The following ADAMTSL1 variants were observed in gnomAD, a reference collection of about 807,000 sequenced individuals.
ADAMTSL1 encodes the protein ADAMTS like 1, also known as ADAMTS-like protein 1.
A neutral mutation model predicts 201.8 loss-of-function variants in ADAMTSL1; 126 were observed. That is an observed-to-expected ratio of 0.62 (90% CI 0.54 to 0.72). The LOEUF is 0.72. Among genes scored for constraint, ADAMTSL1 ranks in the 30% least tolerant of loss-of-function variants. The pLI is 0.00. For synonymous variants in ADAMTSL1, 1,121 were observed against 903.4 expected (o/e 1.24, Z -4.32); for missense variants, 2,679 against 2,277.8 (o/e 1.18, Z -3.59).
At chr9:18,433,753 A>G (rs915156476) in intron 2 of ADAMTSL1, among the ~76,000 whole-genome samples, 16 of 152,222 alleles carry the variant, frequency 1.1e-4, no homozygotes, top group African/African-American at 3.9e-4. Context: ...TACACACTTA[A>G]GAGTAGACTA....
At position 18,802,760 on chromosome 9, in the gene ADAMTSL1, T is replaced by C. The variant is rs1364946717; in HGVS notation, c.3805+7236T>C. Among the ~76,000 whole-genome samples, 7 of 152,334 alleles carry C rather than the reference T, an allele frequency of 4.6e-5. No individual in the cohort carries two copies. The South Asian group carries it at 1.2e-3, about 27-fold the overall frequency. On this transcript the variant is annotated intron_variant, in intron 20 of 28. Coordinates refer to ENST00000380548, the MANE Select transcript of ADAMTSL1 (RefSeq NM_001040272.6). ...ATTTCTGGGTTGTTTGGCGCATTTA[T>C]GTTTACTATTGAAGAAAGTGCCAAC...
chr9:18,853,730 C>T (rs573076059), intron 23 of ADAMTSL1, among the ~76,000 whole-genome samples: 3 of 152,290 alleles, frequency 2.0e-5, no homozygotes, highest in South Asian at 4.2e-4. Context: ...AGGCAAGATA[C>T]GGGTTGGTTA....
At position 17,917,958 on chromosome 9, in the gene ADAMTSL1, G is replaced by C. The variant is rs141313113; in HGVS notation, c.87+11036G>C. 5.8e-3 allele frequency among the ~76,000 whole-genome samples: 884 copies of C among 151,988 alleles called. 8 individuals carry two copies. Among genetic ancestry groups the C allele is most frequent in the African/African-American group, 0.02 (843 of 41,534 alleles). On this transcript the variant is annotated intron_variant, in intron 1 of 29. Transcript: ENST00000680146. ...TTGTTGAATTCATTGGTGTAAAGTA[G>C]TTCATAGTGCTCCTTTATTATGTTA...
At chr9:18,387,934 A>G (rs1245218319) in intron 2 of ADAMTSL1, among the ~76,000 whole-genome samples, 1 of 152,166 alleles carries the variant, frequency 6.6e-6, no homozygotes, top group East Asian at 1.9e-4. Flanking sequence ...TGCCTTCTGT[A>G]TTTTGAGGCT....
intron 2 of ADAMTSL1, among the ~76,000 whole-genome samples, chr9:18,526,332 C>T (rs1427982307): frequency 3.9e-5 from 6 of 152,226 alleles, no homozygotes; most frequent in African/African-American, 1.4e-4. Context: ...CTATGTGTGT[C>T]TCTGCACATG....
At chr9:17,920,990 G>A (rs1826277468) in intron 1 of ADAMTSL1, among the ~76,000 whole-genome samples, 1 of 152,168 alleles carries the variant, frequency 6.6e-6, no homozygotes, top group Admixed American at 6.5e-5. Flanking sequence ...TAGGTTCTTT[G>A]TGGGCTTTCA....
At chr9:18,123,940 A>G (rs981877271) in intron 1 of ADAMTSL1, among the ~76,000 whole-genome samples, 30 of 152,288 alleles carry the variant, frequency 2.0e-4, no homozygotes, top group African/African-American at 6.3e-4. Context: ...CAATTTGTCC[A>G]CATTCTTGCC....
chr9:18,673,302 G>A (rs978608602), intron 9 of ADAMTSL1, among the ~76,000 whole-genome samples: 6 of 152,120 alleles, frequency 3.9e-5, no homozygotes, highest in African/African-American at 1.2e-4. Context: ...CAGCAACAGT[G>A]TAGTGAAAGG....
At chr9:18,709,351 A>G (rs1214369688) in intron 14 of ADAMTSL1, among the ~76,000 whole-genome samples, 1 of 152,196 alleles carries the variant, frequency 6.6e-6, no homozygotes, top group Non-Finnish European at 1.5e-5. Flanking sequence ...GGTTATATAT[A>G]TTTTTAATTA....
intron 15 of ADAMTSL1, among the ~76,000 whole-genome samples, chr9:18,734,774 C>T (rs571377245): frequency 3.3e-5 from 5 of 152,090 alleles, no homozygotes; most frequent in South Asian, 2.1e-4. Flanking sequence ...TCTAATCACA[C>T]GTGTGATTGA....
intron 20 of ADAMTSL1, among the ~76,000 whole-genome samples, chr9:18,807,932 CA>C (rs1823268911): frequency 6.6e-6 from 1 of 152,142 alleles, no homozygotes; most frequent in African/African-American, 2.4e-5. Flanking sequence ...ATCGTGTCCA[CA>C]AACATAGGTA....
intron 9 of ADAMTSL1, among the ~76,000 whole-genome samples, chr9:18,670,088 T>G (rs1829721709): frequency 6.6e-6 from 1 of 152,216 alleles, no homozygotes; most frequent in Non-Finnish European, 1.5e-5. Context: ...GCCCTGAGGT[T>G]GTCTAGAGAA....
intron 1 of ADAMTSL1, among the ~76,000 whole-genome samples, chr9:17,929,928 C>G (rs889446998): frequency 6.6e-6 from 1 of 152,098 alleles, no homozygotes; most frequent in Non-Finnish European, 1.5e-5. Flanking sequence ...ACTCTGCACT[C>G]TATATATGTC....
chr9:18,822,753 G>A (rs1824290727), intron 21 of ADAMTSL1, among the ~76,000 whole-genome samples: 1 of 152,138 alleles, frequency 6.6e-6, no homozygotes. Flanking sequence ...AAGTGATTGT[G>A]TTTATAAAAT....
chr9:18,826,500 T>C (rs1247939879), intron 22 of ADAMTSL1, 37 bp downstream of exon 22: 1 of 1,588,422 alleles, frequency 6.3e-7, no homozygotes, highest in Non-Finnish European at 8.6e-7. Flanking sequence ...TGCTGCACCC[T>C]GTTGGGAGTG....
In ADAMTSL1 at chr9:18,444,847, C is replaced by A. The variant is rs148517896; in HGVS notation, c.208-59982C>A. Among the ~76,000 whole-genome samples the A allele has an allele frequency of 2.2e-3, 330 of 152,220 alleles. 1 individual carries two copies. The highest frequency in any genetic ancestry group is 7.6e-3 in the African/African-American group (316 of 41,570). ...AAAAGACATATGTCTATGTATCTTA[C>A]CAAGAGACTAATAATATCAGCAACA... On this transcript the variant is annotated intron_variant, in intron 2 of 29. Transcript: ENST00000680146.
At chr9:18,699,576 T>A (rs759838385) in intron 13 of ADAMTSL1, among the ~76,000 whole-genome samples, 1 of 152,120 alleles carries the variant, frequency 6.6e-6, no homozygotes, top group Non-Finnish European at 1.5e-5. Context: ...GTGATCTTCC[T>A]GCCTTGGCCT....
chr9:17,915,964 G>A (rs559992510), intron 1 of ADAMTSL1, among the ~76,000 whole-genome samples: 7 of 151,992 alleles, frequency 4.6e-5, no homozygotes, highest in Admixed American at 1.3e-4. Context: ...CTGTTGCCCA[G>A]GCTGGAGTGC....
chr9:18,730,893 AG>A (rs1818179555), intron 15 of ADAMTSL1, among the ~76,000 whole-genome samples: 1 of 152,222 alleles, frequency 6.6e-6, no homozygotes, highest in South Asian at 2.1e-4. Flanking sequence ...GGCTGCCTAA[AG>A]GAGCTACTAT....
Sources: gnomAD v4.1 joint callset for allele counts (sites outside exome capture counted in the v4.1 genomes callset) on GRCh38, gnomAD v4.1.1 for gene constraint, MANE v1.5 for transcripts, NCBI Gene and HGNC (gene_info 2026-07-23, HGNC 2026-07-21) for gene names.